NOTCH2: variants seen among roughly 807,000 people sequenced by gnomAD.
NOTCH2 encodes neurogenic locus notch homolog protein 2.
Under a neutral mutation model 235.8 loss-of-function variants are expected in NOTCH2, and 29 were observed. The ratio of observed to expected loss-of-function variants is 0.12; its 90% CI spans 0.09 to 0.17. The LOEUF (loss-of-function observed/expected upper bound fraction) is 0.17. Among genes scored for constraint, NOTCH2 ranks in the 10% least tolerant of loss-of-function variants. The pLI is 1.00. For synonymous variants in NOTCH2, 1,086 were observed against 1,141.5 expected (o/e 0.95, Z 0.98); for missense variants, 2,285 against 3,150.2 (o/e 0.73, Z 6.57).
At chr1:120,043,094 A>T (rs1654645347) in intron 1 of NOTCH2, among the ~76,000 whole-genome samples, 2 of 151,784 alleles carry the variant, frequency 1.3e-5, no homozygotes. Context: ...CATGAAGAAA[A>T]GCAAGGCATC....
At chr1:120,038,872 A>T (rs1172749052) in intron 1 of NOTCH2, among the ~76,000 whole-genome samples, 3 of 151,942 alleles carry the variant, frequency 2.0e-5, no homozygotes, top group African/African-American at 7.3e-5. Flanking sequence ...GTTTGAATGA[A>T]GATACACTCT....
At chr1:120,064,150 T>C (rs1276425390) in intron 1 of NOTCH2, among the ~76,000 whole-genome samples, 1 of 151,862 alleles carries the variant, frequency 6.6e-6, no homozygotes, top group Non-Finnish European at 1.5e-5. Context: ...CAGCTGAATA[T>C]AAGAAGATCT....
intron 2 of NOTCH2, among the ~76,000 whole-genome samples, chr1:120,029,210 A>G (rs587733601): frequency 4.0e-5 from 6 of 149,982 alleles, no homozygotes; most frequent in African/African-American, 1.5e-4. Context: ...TAATATTCAC[A>G]TATACTGGGC....
At chr1:119,937,161 T>C (rs1473502330) in intron 21 of NOTCH2, 121 bp downstream of exon 21, 21 of 983,486 alleles carry the variant, frequency 2.1e-5, no homozygotes, top group African/African-American at 8.0e-5. Flanking sequence ...ATGACGGGGA[T>C]TGGTAAAAAT....
chr1:119,916,370 T>A lies in NOTCH2; in HGVS notation c.6352A>T (p.Asn2118Tyr). The change falls in exon 34 of 34, where the codon AAC (asparagine) becomes TAC (tyrosine). Residue 2118 changes from asparagine to tyrosine, a missense_variant. Around this residue, in one of 6 missense-constraint regions of NOTCH2, gnomAD observed 504 missense variants for 538.0 expected, o/e 0.94. Coordinates refer to ENST00000256646, the MANE Select transcript of NOTCH2 (RefSeq NM_024408.4). Reference sequence around the variant, plus strand: ...GCATCCTTTGCCTCCTTGGCAAGGTTAGGGAGGCTAGTAGGCATGGTACTC... The same window carrying A: ...GCATCCTTTGCCTCCTTGGCAAGGTAAGGGAGGCTAGTAGGCATGGTACTC... ...AKSTMPTSLP[N>Y]LAKEAKDAKG... 1 of 1,614,142 alleles carries A rather than the reference T, an allele frequency of 6.2e-7. No individual in the cohort carries two copies. The highest frequency in any genetic ancestry group is 8.5e-7 in the Non-Finnish European group (1 of 1,180,016).
At chr1:119,920,433 C>T (rs1649243817) in intron 29 of NOTCH2, 36 bp from the exon 30 acceptor site, 2 of 1,611,194 alleles carry the variant, frequency 1.2e-6, no homozygotes, top group Non-Finnish European at 1.7e-6. Flanking sequence ...ATCAATCTGG[C>T]CACCACCAGA....
intron 26 of NOTCH2, 109 bp downstream of exon 26, chr1:119,923,527 TC>T: frequency 1.0e-6 from 1 of 960,700 alleles, no homozygotes; most frequent in Non-Finnish European, 1.7e-6. Context: ...GGTGGGCCAT[TC>T]TATTTTTCTG....
intron 22 of NOTCH2, among the ~76,000 whole-genome samples, chr1:119,933,635 G>A (rs1312733743): frequency 6.6e-6 from 1 of 152,154 alleles, no homozygotes; most frequent in African/African-American, 2.4e-5. Flanking sequence ...TATTCAAAGT[G>A]CTGAAAGAAA....
chr1:119,961,925 G>A (rs1650953207), intron 11 of NOTCH2, among the ~76,000 whole-genome samples: 1 of 152,134 alleles, frequency 6.6e-6, no homozygotes, highest in Non-Finnish European at 1.5e-5. Context: ...TATTCATAAT[G>A]CCTCTTTTAA....
At chr1:119,952,950 C>A (rs1553197959) in intron 14 of NOTCH2, among the ~76,000 whole-genome samples, 1 of 152,166 alleles carries the variant, frequency 6.6e-6, no homozygotes, top group African/African-American at 2.4e-5. Flanking sequence ...CAAACCTGGA[C>A]CAGGAAGCTT....
At chr1:119,926,467 GC>G (rs1469448771) in intron 24 of NOTCH2, 31 bp downstream of exon 24, 1 of 1,443,854 alleles carries the variant, frequency 6.9e-7, no homozygotes, top group East Asian at 2.3e-5. Flanking sequence ...AAGAGACAAT[GC>G]CCCTTCTTAG....
intron 4 of NOTCH2, among the ~76,000 whole-genome samples, chr1:119,987,451 G>A (rs1034708211): frequency 6.6e-6 from 1 of 152,164 alleles, no homozygotes; most frequent in East Asian, 1.9e-4. Context: ...CTAATGGGAA[G>A]AACAGATAAA....
chr1:119,916,771 T>C (rs1649092915), intron 33 of NOTCH2, 77 bp from the exon 34 acceptor site: 2 of 1,403,108 alleles, frequency 1.4e-6, no homozygotes, highest in Non-Finnish European at 2.0e-6. Context: ...ATCTTTTTTA[T>C]TATCACCCCC....
intron 5 of NOTCH2, among the ~76,000 whole-genome samples, chr1:119,977,262 T>C (rs1365666669): frequency 6.6e-6 from 1 of 152,148 alleles, no homozygotes; most frequent in Non-Finnish European, 1.5e-5. Flanking sequence ...ATCTCTATTC[T>C]GTTCCTACCC....
intron 1 of NOTCH2, among the ~76,000 whole-genome samples, chr1:120,040,854 G>C (rs1425581372): frequency 6.7e-6 from 1 of 149,688 alleles, no homozygotes; most frequent in Admixed American, 6.6e-5. Flanking sequence ...TGGCTAACAC[G>C]GTGAAACCAC....
chr1:119,934,827 A>G lies in NOTCH2; in HGVS notation c.3655+645T>C, dbSNP rs587711591. Among the ~76,000 whole-genome samples the G allele has an allele frequency of 2.6e-5, 4 of 152,274 alleles. No homozygotes were observed. In the East Asian group the frequency reaches 7.7e-4, roughly 29 times the overall value. ...ATCCCTTCTAACAAACAATACTCAA[A>G]GCTCTTTCCAAGGGATGGTTCAAAA... On this transcript the variant is annotated intron_variant, in intron 22 of 33. Coordinates refer to ENST00000256646, the MANE Select transcript of NOTCH2 (RefSeq NM_024408.4).
chr1:119,929,649 C>T (rs1422705818), intron 22 of NOTCH2, among the ~76,000 whole-genome samples: 3 of 152,234 alleles, frequency 2.0e-5, no homozygotes, highest in Non-Finnish European at 2.9e-5. Flanking sequence ...GCAGCACATA[C>T]GACAGTGGTC....
chr1:119,921,686 A>ATGG, intron 29 of NOTCH2, 27 bp downstream of exon 29: 1 of 1,581,060 alleles, frequency 6.3e-7, no homozygotes, highest in South Asian at 1.1e-5. Flanking sequence ...ATGGCTGACA[A>ATGG]TGGTGGTTCT....
At chr1:119,996,471 T>C (rs1652454390) in intron 4 of NOTCH2, 2 of 595,050 alleles carry the variant, frequency 3.4e-6, no homozygotes, top group Admixed American at 3.0e-5. Flanking sequence ...TCAGAGAGGG[T>C]ACATGGGAGA....
Sources: gnomAD v4.1 joint callset for allele counts (sites outside exome capture counted in the v4.1 genomes callset) on GRCh38, gnomAD v4.1.1 for gene constraint, gnomAD v4.1.1 regional missense constraint, MANE v1.5 for transcripts, NCBI Gene and HGNC (gene_info 2026-07-23, HGNC 2026-07-21) for gene names.